The following CYFIP2 variants were observed in gnomAD, a reference collection of about 807,000 sequenced individuals.
The protein encoded by CYFIP2 is cytoplasmic FMR1 interacting protein 2.
A neutral mutation model predicts 158.7 loss-of-function variants in CYFIP2; 29 were observed. That is an observed-to-expected ratio of 0.18 (90% confidence interval 0.14 to 0.25). The LOEUF is 0.25. CYFIP2 is among the 10% of genes least tolerant of loss of function. The probability of loss-of-function intolerance (pLI) is 1.00; values close to 1 mark genes in which losing one functional copy is unlikely to be tolerated. For missense variants in CYFIP2, 852 were observed against 1,639.5 expected, an observed-to-expected ratio of 0.52 and a Z score of 8.29; for synonymous variants, 585 against 617.6, an observed-to-expected ratio of 0.95 and a Z score of 0.78.
intron 23 of CYFIP2, chr5:157,343,485 A>G: frequency 6.2e-7 from 1 of 1,602,694 alleles, no homozygotes. Flanking sequence ...TCCGAGGACG[A>G]CCAGGAGATG....
chr5:157,330,749 T>C lies in CYFIP2; in HGVS notation c.2164T>C (p.Leu722=), dbSNP rs532339199. Residue 722 remains leucine (L), a synonymous_variant, in exon 20 of 31, where the codon TTG becomes CTG. Coordinates refer to ENST00000620254, the MANE Select transcript of CYFIP2 (RefSeq NM_001037333.3). ...YYKAMAGSVL[L]DKRFRAECKN... ...CACTTTTATTCCTTGCAGTGTCCTGTTGGATAAACGTTTTCGAGCTGAGTG... is the reference window on the plus strand; with the variant it reads ...CACTTTTATTCCTTGCAGTGTCCTGCTGGATAAACGTTTTCGAGCTGAGTG... 9.4e-5 allele frequency: 151 copies of C among 1,613,892 alleles called. 2 individuals are homozygous for C. In the South Asian group the frequency reaches 1.6e-3, roughly 17 times the overall value.
intron 1 of CYFIP2, among the ~76,000 whole-genome samples, chr5:157,273,815 C>T (rs1229793483): frequency 1.3e-5 from 2 of 152,052 alleles, no homozygotes; most frequent in Non-Finnish European, 1.5e-5. Flanking sequence ...ATATAGTTTG[C>T]ATACTGTACA....
Position 157,389,442 on chromosome 5 carries a change from G to A in CYFIP2, c.3446+15G>A, listed in dbSNP as rs371158305. The stretch of plus-strand genomic sequence containing the variant: ...TTCACAGCTGAGTGAGTACCCCCCA[G>A]AGAAGGCAGGGTTACCCCCAACCTG... On this transcript the variant is annotated intron_variant, in intron 29 of 30. Transcript: ENST00000620254. 1.3e-6 allele frequency: 2 copies of A among 1,555,246 alleles called. No homozygotes were observed. The highest frequency in any genetic ancestry group is 1.7e-6 in the Non-Finnish European group (2 of 1,144,794).
At chr5:157,390,920 G>A (rs1361852455) in intron 30 of CYFIP2, among the ~76,000 whole-genome samples, 1 of 152,198 alleles carries the variant, frequency 6.6e-6, no homozygotes, top group Non-Finnish European at 1.5e-5. Flanking sequence ...CATCTTCCCT[G>A]TCCCAATCAG....
rs749931246 is a variant in CYFIP2, at chr5:157,389,435, C to A, written c.3446+8C>A. The A allele has an allele frequency of 5.1e-6, 8 of 1,567,500 alleles. No homozygotes were observed. The highest frequency in any genetic ancestry group is 7.0e-6 in the Non-Finnish European group (8 of 1,150,882). On this transcript the variant is annotated splice_region_variant and intron_variant, in intron 29 of 30. Transcript: ENST00000620254. Reference sequence around the variant, plus strand: ...CAACGAGTTCACAGCTGAGTGAGTACCCCCCAGAGAAGGCAGGGTTACCCC... The same window carrying A: ...CAACGAGTTCACAGCTGAGTGAGTAACCCCCAGAGAAGGCAGGGTTACCCC...
At chr5:157,349,335 T>C (rs1423862984) in intron 23 of CYFIP2, among the ~76,000 whole-genome samples, 1 of 152,196 alleles carries the variant, frequency 6.6e-6, no homozygotes, top group Non-Finnish European at 1.5e-5. Context: ...TCTGTCCTCA[T>C]AGCTTAGCTC....
chr5:157,363,803 G>A (rs149307142), intron 26 of CYFIP2: 1 of 152,400 alleles, frequency 6.6e-6, no homozygotes, highest in African/African-American at 2.4e-5. Context: ...TAGACGGGAG[G>A]GGAAAGGAGA....
intron 23 of CYFIP2, chr5:157,343,023 C>T: frequency 3.1e-6 from 5 of 1,614,222 alleles, no homozygotes; most frequent in Non-Finnish European, 4.2e-6. Flanking sequence ...AGGTCTTCCT[C>T]CCTCTGACCA....
At chr5:157,392,285 C>G (rs1303116097) in intron 30 of CYFIP2, among the ~76,000 whole-genome samples, 2 of 152,072 alleles carry the variant, frequency 1.3e-5, no homozygotes, top group African/African-American at 4.8e-5. Context: ...ATGTCATACC[C>G]CAAGATATTA....
rs1050779062 is a variant in CYFIP2 at position 157,329,056 on chromosome 5, T to C, written c.2156+1007T>C. On this transcript the variant is annotated intron_variant, in intron 19 of 30. Coordinates refer to ENST00000620254, the MANE Select transcript of CYFIP2 (RefSeq NM_001037333.3). The stretch of plus-strand genomic sequence containing the variant: ...TAATTTTTCTATGAAAAGGATTTGC[T>C]TCATTTTGCTTTTAACAGCCAAAGT... Among the ~76,000 whole-genome samples the C allele has an allele frequency of 3.3e-5, 5 of 152,400 alleles. No individual in the cohort carries two copies. In the East Asian group the frequency reaches 7.7e-4, roughly 23 times the overall value.
chr5:157,330,240 A>ATTG (rs957619737), intron 19 of CYFIP2, among the ~76,000 whole-genome samples: 1 of 144,324 alleles, frequency 6.9e-6, no homozygotes, highest in Non-Finnish European at 1.5e-5. Context: ...GAGATTTAAA[A>ATTG]TGTGTGTGTG....
At chr5:157,267,740 G>T (rs999481831) in intron 1 of CYFIP2, among the ~76,000 whole-genome samples, 8 of 152,236 alleles carry the variant, frequency 5.3e-5, no homozygotes, top group African/African-American at 1.9e-4. Context: ...GGGAAACAAA[G>T]CTTTAATGGG....
chr5:157,323,079 T>A, intron 15 of CYFIP2: 2 of 1,439,998 alleles, frequency 1.4e-6, no homozygotes, highest in Non-Finnish European at 1.9e-6. Flanking sequence ...AGGAATGGAC[T>A]AGCCTGGCTC....
rs1267686872 is a variant in CYFIP2, at chr5:157,394,354, C to T, written c.*1354C>T. On this transcript the variant is annotated 3_prime_UTR_variant, in exon 31 of 31. Coordinates refer to ENST00000620254, the MANE Select transcript of CYFIP2 (RefSeq NM_001037333.3). ...GAGATTTTAAGAACATAAAATGTGA[C>T]ATTTGATATTTCTCCAGCCCAGGGA... is the stretch of plus-strand genomic sequence containing the variant. 6.6e-6 allele frequency: 1 copy of T among 152,190 alleles called. No homozygotes were observed. The highest frequency in any genetic ancestry group is 1.9e-4 in the East Asian group (1 of 5,200). The allele number at this position is 152,190 out of a possible 1,614,324, so 9.4% of individuals were successfully genotyped here.
intron 17 of CYFIP2, 94 bp from the exon 18 acceptor site, chr5:157,326,077 C>T: frequency 1.0e-6 from 1 of 963,250 alleles, no homozygotes; most frequent in Non-Finnish European, 1.7e-6. Flanking sequence ...CTTTTCCTGA[C>T]TGTGAACTTG....
At chr5:157,377,572 T>C (rs1765608129) in intron 26 of CYFIP2, among the ~76,000 whole-genome samples, 1 of 152,236 alleles carries the variant, frequency 6.6e-6, no homozygotes, top group Non-Finnish European at 1.5e-5. Context: ...TTTGTCATCA[T>C]CTTGGTAAGG....
intron 28 of CYFIP2, among the ~76,000 whole-genome samples, chr5:157,387,922 C>T (rs1226965166): frequency 6.6e-6 from 1 of 152,122 alleles, no homozygotes; most frequent in Non-Finnish European, 1.5e-5. Context: ...ATAAGAGACT[C>T]CTGCATTGGT....
chr5:157,380,534 A>C (rs1765947225), intron 26 of CYFIP2, among the ~76,000 whole-genome samples: 1 of 152,210 alleles, frequency 6.6e-6, no homozygotes, highest in African/African-American at 2.4e-5. Context: ...GTCTCCAAAA[A>C]ATACAAACAA....
rs898867754 is a variant in CYFIP2, at chr5:157,394,241, G to C, written c.*1241G>C. On this transcript the variant is annotated 3_prime_UTR_variant, in exon 31 of 31. Coordinates refer to ENST00000620254, the MANE Select transcript of CYFIP2 (RefSeq NM_001037333.3). ...AAAGTCTTCTGCAGAATCTCCCACCGAGTGTGGTAAGAAGGAAGGACAAAA... is the reference window on the plus strand; with the variant it reads ...AAAGTCTTCTGCAGAATCTCCCACCCAGTGTGGTAAGAAGGAAGGACAAAA... 2 of 152,120 alleles carry C rather than the reference G, an allele frequency of 1.3e-5. No individual in the cohort carries two copies. Among genetic ancestry groups the C allele is most frequent in the Non-Finnish European group, 2.9e-5 (2 of 68,018 alleles). The allele number at this position is 152,120 out of a possible 1,614,324, so 9.4% of individuals were successfully genotyped here.
Sources: gnomAD v4.1 joint callset for allele counts (sites outside exome capture counted in the v4.1 genomes callset) on GRCh38, gnomAD v4.1.1 for gene constraint, MANE v1.5 for transcripts, NCBI Gene and HGNC (gene_info 2026-07-23, HGNC 2026-07-21) for gene names.